MEGF9: variants seen among roughly 807,000 people sequenced by gnomAD.
The protein encoded by MEGF9 is multiple EGF like domains 9.
MEGF9 carries 6 observed loss-of-function variants against 46.8 expected under a neutral mutation model. That is an observed-to-expected ratio of 0.13 (90% CI 0.07 to 0.25). The LOEUF is 0.25. MEGF9 is among the 10% of genes least tolerant of loss of function. The pLI is 1.00. For synonymous variants in MEGF9, 302 were observed against 330.7 expected (o/e 0.91, Z 0.94); for missense variants, 683 against 792.4 (o/e 0.86, Z 1.66).
chr9:120,612,420 T>C lies in MEGF9; in HGVS notation c.1063A>G (p.Thr355Ala), dbSNP rs1186850204. Residue 355 changes from threonine (T) to alanine (A), a missense_variant, in exon 4 of 6, where the codon ACA becomes GCA. Physicochemically the swap from Thr to Ala is moderately conservative, Grantham distance 58 (BLOSUM62 0). This residue lies in a region of MEGF9 where 313 missense variants were observed against 421.1 expected (regional missense o/e 0.74). Coordinates refer to ENST00000373930, the MANE Select transcript of MEGF9 (RefSeq NM_001080497.3). Reference protein sequence around the residue: ...ECLRCPCSAVTSTGSCSIKSS... With the variant: ...ECLRCPCSAVASTGSCSIKSS... ...CTTATAGAGCAGCTGCCTGTAGATG[T>C]CACTGCTGAACAAGGGCAGCGAAGA... 6.2e-7 allele frequency: 1 copy of C among 1,613,066 alleles called. No homozygotes were observed. The highest frequency in any genetic ancestry group is 2.2e-5 in the East Asian group (1 of 44,858).
intron 1 of MEGF9, among the ~76,000 whole-genome samples, chr9:120,697,344 A>G (rs1158660861): frequency 2.0e-5 from 3 of 151,858 alleles, no homozygotes; most frequent in African/African-American, 7.3e-5. Flanking sequence ...CAGCCTCCCA[A>G]AGTGCTGGGA....
intron 2 of MEGF9, among the ~76,000 whole-genome samples, chr9:120,647,637 A>T (rs1468754075): frequency 6.6e-6 from 1 of 152,010 alleles, no homozygotes; most frequent in Non-Finnish European, 1.5e-5. Context: ...ATCTTAAAAT[A>T]AAAAAAAGTG....
chr9:120,626,400 C>T (rs80213553), intron 2 of MEGF9, among the ~76,000 whole-genome samples: 6,241 of 152,244 alleles, frequency 0.041, 424 homozygotes, highest in African/African-American at 0.14. Flanking sequence ...AGTTATAGAA[C>T]TTACATACTC....
intron 1 of MEGF9, among the ~76,000 whole-genome samples, chr9:120,709,437 A>C (rs894847559): frequency 3.9e-5 from 6 of 152,072 alleles, no homozygotes; most frequent in South Asian, 2.1e-4. Context: ...AAAACAAAAA[A>C]AAACTAGAAG....
intron 3 of MEGF9, among the ~76,000 whole-genome samples, chr9:120,619,971 A>G: frequency 6.6e-6 from 1 of 152,220 alleles, no homozygotes; most frequent in East Asian, 1.9e-4. Flanking sequence ...AAATAAAGTC[A>G]CTTGACGAGA....
chr9:120,695,039 A>AC (rs1246425695), intron 1 of MEGF9, among the ~76,000 whole-genome samples: 1 of 150,696 alleles, frequency 6.6e-6, no homozygotes, highest in Non-Finnish European at 1.5e-5. Context: ...AGTGGTTTAA[A>AC]AAAAAAAAAA....
At position 120,710,493 on chromosome 9, in the gene MEGF9, G is replaced by T. The variant is rs535533761; in HGVS notation, c.601+3265C>A. Among the ~76,000 whole-genome samples the T allele has an allele frequency of 3.9e-5, 6 of 151,938 alleles. No homozygotes were observed. In the South Asian group the frequency reaches 1.0e-3, roughly 26 times the overall value. On this transcript the variant is annotated intron_variant, in intron 1 of 5. Transcript: ENST00000373930. ...AGTGAATGTTTTGCTGGGTTTGTGG[G>T]AGAAAAAGTGCCTGCTTGCTGGGCA...
At chr9:120,614,535 G>T (rs2043462901) in intron 3 of MEGF9, among the ~76,000 whole-genome samples, 1 of 152,002 alleles carries the variant, frequency 6.6e-6, no homozygotes, top group Non-Finnish European at 1.5e-5. Context: ...AGATCTTCTT[G>T]TATCATGATC....
At chr9:120,630,376 G>C (rs1212048730) in intron 2 of MEGF9, among the ~76,000 whole-genome samples, 1 of 152,182 alleles carries the variant, frequency 6.6e-6, no homozygotes, top group African/African-American at 2.4e-5. Flanking sequence ...GCTAACTAGT[G>C]TTCCATTGCA....
chr9:120,704,811 ATTAAC>A (rs1346828485), intron 1 of MEGF9, among the ~76,000 whole-genome samples: 3 of 152,222 alleles, frequency 2.0e-5, no homozygotes, highest in African/African-American at 7.2e-5. Context: ...TCTGTTCACT[ATTAAC>A]TTTAATTATA....
intron 1 of MEGF9, among the ~76,000 whole-genome samples, chr9:120,668,041 C>CA (rs1484524212): frequency 1.3e-5 from 2 of 151,922 alleles, no homozygotes; most frequent in African/African-American, 2.4e-5. Context: ...AACAAACAAA[C>CA]AAAAAAACCA....
At chr9:120,691,403 T>G (rs368563071) in intron 1 of MEGF9, 1 of 478,136 alleles carries the variant, frequency 2.1e-6, no homozygotes, top group Non-Finnish European at 4.3e-6. Flanking sequence ...TTTTTAAGTA[T>G]CTTTACGTTA....
chr9:120,639,723 G>A (rs932496484), intron 2 of MEGF9, among the ~76,000 whole-genome samples: 3 of 152,076 alleles, frequency 2.0e-5, no homozygotes, highest in Non-Finnish European at 4.4e-5. Flanking sequence ...GCCTGACTCA[G>A]AGTAAAAACT....
In MEGF9 at chr9:120,686,790, T is replaced by G. The variant is rs148465728; in HGVS notation, c.601+26968A>C. Among the ~76,000 whole-genome samples the G allele has an allele frequency of 1.8e-4, 28 of 152,344 alleles. No homozygotes were observed. The East Asian group carries it at 4.4e-3, about 24-fold the overall frequency. ...CCCCTGTACAAATGTGGATATTAAA[T>G]GAAACAATATAGCATAGTACTTGGC... is the stretch of plus-strand genomic sequence containing the variant. On this transcript the variant is annotated intron_variant, in intron 1 of 5. Transcript: ENST00000373930.
intron 3 of MEGF9, among the ~76,000 whole-genome samples, chr9:120,621,678 T>C (rs2043499908): frequency 6.6e-6 from 1 of 152,172 alleles, no homozygotes. Flanking sequence ...TTTTTCTCTT[T>C]GGTATTGGTC....
chr9:120,664,843 G>A (rs1231023909), intron 1 of MEGF9, among the ~76,000 whole-genome samples: 1 of 152,178 alleles, frequency 6.6e-6, no homozygotes, highest in African/African-American at 2.4e-5. Context: ...CTCAATTTCT[G>A]AGTCCTTTTC....
intron 1 of MEGF9, among the ~76,000 whole-genome samples, chr9:120,666,235 G>A (rs1027164595): frequency 2.0e-5 from 3 of 152,124 alleles, no homozygotes; most frequent in African/African-American, 7.2e-5. Context: ...CAAAAAACCT[G>A]TATTAAGTTA....
intron 2 of MEGF9, among the ~76,000 whole-genome samples, chr9:120,645,241 G>C (rs115852807): frequency 0.011 from 1,627 of 152,288 alleles, 32 homozygotes; most frequent in African/African-American, 0.034. Context: ...TCTTGGGACC[G>C]GCTTACACAA....
At chr9:120,681,797 C>G (rs904368459) in intron 1 of MEGF9, among the ~76,000 whole-genome samples, 1 of 152,082 alleles carries the variant, frequency 6.6e-6, no homozygotes, top group Non-Finnish European at 1.5e-5. Flanking sequence ...CAAGGGGAGG[C>G]AGGGACAGGG....
Sources: gnomAD v4.1 joint callset for allele counts (sites outside exome capture counted in the v4.1 genomes callset) on GRCh38, gnomAD v4.1.1 for gene constraint, gnomAD v4.1.1 regional missense constraint, MANE v1.5 for transcripts, NCBI Gene and HGNC (gene_info 2026-07-23, HGNC 2026-07-21) for gene names.